TNFRSF21: variants seen among roughly 807,000 people sequenced by gnomAD.
TNFRSF21 encodes TNF receptor superfamily member 21, also known as tumor necrosis factor receptor superfamily member 21.
In TNFRSF21, 19 loss-of-function variants were observed where a neutral mutation model predicts 45.6. That is an observed-to-expected ratio of 0.42 (90% confidence interval 0.29 to 0.61). The LOEUF is 0.61. Ranked by LOEUF, TNFRSF21 falls within the 20% of genes least tolerant of loss-of-function variation. TNFRSF21 has a pLI of 0.23. For missense variants in TNFRSF21, 737 were observed against 851.5 expected (o/e 0.87, Z 1.67); for synonymous variants, 314 against 335.5 (o/e 0.94, Z 0.70).
intron 1 of TNFRSF21, among the ~76,000 whole-genome samples, chr6:47,294,488 A>G (rs1182421823): frequency 6.6e-6 from 1 of 152,176 alleles, no homozygotes; most frequent in Non-Finnish European, 1.5e-5. Flanking sequence ...AGCCTCCACA[A>G]TGTAGCCACA....
rs1310319194 is a variant in TNFRSF21 at position 47,233,139 on chromosome 6, G to A, written c.1739-145C>T. 14 of 696,364 alleles carry A rather than the reference G, an allele frequency of 2.0e-5. No homozygotes were observed. In the East Asian group the frequency reaches 3.3e-4, roughly 16 times the overall value. 43.1% of individuals were successfully genotyped at this position (696,364 alleles called of 1,614,324 possible). ...CCATCCTCCATTACAGTGAGAGAGT[G>A]AGTGATCCTCTGGCACATTCGAAAC... On this transcript the variant is annotated intron_variant, in intron 5 of 5. Coordinates refer to ENST00000296861, the MANE Select transcript of TNFRSF21 (RefSeq NM_014452.5).
chr6:47,242,633 G>T (rs1764762827), intron 4 of TNFRSF21, among the ~76,000 whole-genome samples: 1 of 152,168 alleles, frequency 6.6e-6, no homozygotes, highest in Admixed American at 6.5e-5. Context: ...AAAAGGGGGG[G>T]CAGCCCCGCC....
intron 4 of TNFRSF21, among the ~76,000 whole-genome samples, chr6:47,235,430 G>A (rs1409364167): frequency 6.6e-6 from 1 of 152,194 alleles, no homozygotes; most frequent in Non-Finnish European, 1.5e-5. Flanking sequence ...CGCACACAGA[G>A]GGAAGACACA....
chr6:47,261,871 C>T lies in TNFRSF21; in HGVS notation c.1244-8350G>A, dbSNP rs549542945. Among the ~76,000 whole-genome samples the T allele has an allele frequency of 1.4e-4, 22 of 152,308 alleles. No homozygotes were observed. The South Asian group carries it at 3.7e-3, about 26-fold the overall frequency. On this transcript the variant is annotated intron_variant, in intron 3 of 5. Coordinates refer to ENST00000296861, the MANE Select transcript of TNFRSF21 (RefSeq NM_014452.5). ...CCTGTGTTTCATAGTAACCAGTATA[C>T]GATAGCATGGTTAAAAATTTGTATA...
intron 3 of TNFRSF21, among the ~76,000 whole-genome samples, chr6:47,261,422 G>T (rs539194745): frequency 6.6e-6 from 1 of 152,100 alleles, no homozygotes; most frequent in Non-Finnish European, 1.5e-5. Context: ...TGTCATCCCT[G>T]CCCTCTTGAC....
chr6:47,253,570 T>C, intron 3 of TNFRSF21, 49 bp from the exon 4 acceptor site: 2 of 1,585,908 alleles, frequency 1.3e-6, no homozygotes, highest in East Asian at 4.5e-5. Flanking sequence ...TAAGGGAAGC[T>C]TCTTACATAA....
intron 2 of TNFRSF21, among the ~76,000 whole-genome samples, chr6:47,285,097 A>C (rs1762627764): frequency 6.6e-6 from 1 of 152,204 alleles, no homozygotes; most frequent in African/African-American, 2.4e-5. Context: ...TAGAGTGGCC[A>C]TCTGAGCTCT....
intron 4 of TNFRSF21, among the ~76,000 whole-genome samples, chr6:47,252,733 C>T (rs1212201021): frequency 6.6e-6 from 1 of 152,160 alleles, no homozygotes; most frequent in Non-Finnish European, 1.5e-5. Context: ...CCCCTCAGTT[C>T]CCATCTGATG....
intron 3 of TNFRSF21, among the ~76,000 whole-genome samples, chr6:47,271,586 C>A (rs1447431185): frequency 6.6e-6 from 1 of 152,184 alleles, no homozygotes; most frequent in Non-Finnish European, 1.5e-5. Flanking sequence ...ACTGTCGATG[C>A]TATGAAGAAA....
At chr6:47,272,034 C>T (rs765386108) in intron 3 of TNFRSF21, among the ~76,000 whole-genome samples, 2 of 152,128 alleles carry the variant, frequency 1.3e-5, no homozygotes, top group African/African-American at 2.4e-5. Flanking sequence ...TAGAGACATA[C>T]AAACAGACTT....
chr6:47,286,748 C>T (rs1463810771), intron 1 of TNFRSF21, among the ~76,000 whole-genome samples, 153 bp from the exon 2 acceptor site: 1 of 152,200 alleles, frequency 6.6e-6, no homozygotes, highest in African/African-American at 2.4e-5. Flanking sequence ...CATGCTGCAA[C>T]ACAGTAGAAC....
intron 1 of TNFRSF21, among the ~76,000 whole-genome samples, chr6:47,287,637 G>A (rs1354955466): frequency 6.6e-6 from 1 of 152,044 alleles, no homozygotes; most frequent in African/African-American, 2.4e-5. Flanking sequence ...CACATATTTT[G>A]TGGCTCAAGT....
chr6:47,258,742 C>T (rs896051297), intron 3 of TNFRSF21, among the ~76,000 whole-genome samples: 1 of 152,020 alleles, frequency 6.6e-6, no homozygotes, highest in African/African-American at 2.4e-5. Context: ...TCCTTTATTT[C>T]CTTTCTTTAA....
intron 4 of TNFRSF21, among the ~76,000 whole-genome samples, chr6:47,250,199 A>C (rs1298017994): frequency 1.3e-5 from 2 of 152,188 alleles, no homozygotes; most frequent in Non-Finnish European, 2.9e-5. Flanking sequence ...AAGTAAAAGG[A>C]TGGGAAAAGA....
chr6:47,284,477 G>A (rs772753459), intron 2 of TNFRSF21, 45 bp from the exon 3 acceptor site: 11 of 1,499,522 alleles, frequency 7.3e-6, no homozygotes, highest in Non-Finnish European at 9.7e-6. Flanking sequence ...TCCATATTTG[G>A]GGATCTATAC....
chr6:47,306,506 A>T (rs1685296041), intron 1 of TNFRSF21, among the ~76,000 whole-genome samples: 2 of 152,184 alleles, frequency 1.3e-5, no homozygotes, highest in African/African-American at 4.8e-5. Flanking sequence ...CCATTTTCTC[A>T]ACTATAAAAA....
intron 1 of TNFRSF21, among the ~76,000 whole-genome samples, chr6:47,304,710 T>C (rs1468817331): frequency 1.3e-5 from 2 of 152,228 alleles, no homozygotes; most frequent in Non-Finnish European, 2.9e-5. Flanking sequence ...CTCCCTTTTT[T>C]CCCTTCCCAA....
chr6:47,240,124 T>C lies in TNFRSF21; in HGVS notation c.1510-5226A>G, dbSNP rs532681763. 2.0e-5 allele frequency among the ~76,000 whole-genome samples: 3 copies of C among 152,232 alleles called. No individual in the cohort carries two copies. The South Asian group carries it at 6.2e-4, about 32-fold the overall frequency. On this transcript the variant is annotated intron_variant, in intron 4 of 5. Coordinates refer to ENST00000296861, the MANE Select transcript of TNFRSF21 (RefSeq NM_014452.5). ...CCCCTTGGCTCCTGACACTACCCAG[T>C]TCAATACCACCAGGCCCCTTTTCCC...
At chr6:47,272,232 AC>A (rs1264238532) in intron 3 of TNFRSF21, among the ~76,000 whole-genome samples, 4 of 152,066 alleles carry the variant, frequency 2.6e-5, no homozygotes, top group Non-Finnish European at 5.9e-5. Context: ...GCACCACATC[AC>A]ACTTTTTCTA....
Sources: allele counts gnomAD v4.1 joint callset (sites outside exome capture counted in the v4.1 genomes callset), GRCh38; gene constraint gnomAD v4.1.1; transcripts MANE v1.5; gene names NCBI Gene and HGNC (gene_info 2026-07-23, HGNC 2026-07-21).